CSMD1: variants seen among roughly 807,000 people sequenced by gnomAD.
The protein encoded by CSMD1 is CUB and Sushi multiple domains 1, also known as CUB and sushi domain-containing protein 1.
CSMD1 carries 213 observed loss-of-function variants against 417.5 expected under a neutral mutation model. The ratio of observed to expected loss-of-function variants is 0.51; its 90% CI spans 0.46 to 0.57. CSMD1 has a LOEUF of 0.57. Among genes scored for constraint, CSMD1 ranks in the 20% least tolerant of loss-of-function variants. The pLI, the probability that CSMD1 is intolerant of heterozygous loss-of-function variation, is 0.00. For synonymous variants in CSMD1, 2,862 were observed against 1,736.8 expected (o/e 1.65, Z -16.11); for missense variants, 6,923 against 4,529.7 (o/e 1.53, Z -15.17).
chr8:3,014,178 A>C (rs1808645546), intron 52 of CSMD1, among the ~76,000 whole-genome samples: 1 of 139,286 alleles, frequency 7.2e-6, no homozygotes, highest in African/African-American at 2.8e-5. Flanking sequence ...CCCTGATCGA[A>C]GATAGGAATA....
chr8:3,997,541 A>G (rs952699242), intron 5 of CSMD1, among the ~76,000 whole-genome samples: 5 of 152,232 alleles, frequency 3.3e-5, no homozygotes, highest in Non-Finnish European at 1.5e-5. Context: ...ATTCTCGCTA[A>G]CGTGAGATAA....
chr8:3,596,523 G>C (rs1801102466), intron 8 of CSMD1, among the ~76,000 whole-genome samples: 1 of 152,056 alleles, frequency 6.6e-6, no homozygotes, highest in South Asian at 2.1e-4. Flanking sequence ...TTTGTAACTT[G>C]GGAACTTATC....
intron 7 of CSMD1, among the ~76,000 whole-genome samples, chr8:3,624,328 A>G (rs1796392979): frequency 6.6e-6 from 1 of 152,228 alleles, no homozygotes. Context: ...ATCCACCTTT[A>G]GAGAACAAGA....
chr8:4,028,174 G>C (rs780576061), intron 4 of CSMD1, among the ~76,000 whole-genome samples: 1 of 152,176 alleles, frequency 6.6e-6, no homozygotes, highest in African/African-American at 2.4e-5. Flanking sequence ...TGGGCATCTA[G>C]AGTAGGAACT....
chr8:3,880,605 T>G (rs1376339849), intron 5 of CSMD1, among the ~76,000 whole-genome samples: 1 of 152,234 alleles, frequency 6.6e-6, no homozygotes, highest in Non-Finnish European at 1.5e-5. Flanking sequence ...ACTATATTTT[T>G]GGATTCTCCA....
chr8:4,023,047 C>T (rs978751765), intron 4 of CSMD1, among the ~76,000 whole-genome samples: 1 of 152,194 alleles, frequency 6.6e-6, no homozygotes, highest in East Asian at 1.9e-4. Flanking sequence ...CAGATGCTTC[C>T]ATTTCCTGGC....
intron 54 of CSMD1, among the ~76,000 whole-genome samples, chr8:2,992,768 G>C (rs576459034): frequency 4.7e-4 from 71 of 151,620 alleles, no homozygotes; most frequent in Non-Finnish European, 7.1e-4. Context: ...TTTGAGATGG[G>C]GTCTTGCTCT....
intron 2 of CSMD1, among the ~76,000 whole-genome samples, chr8:4,473,399 T>C (rs1800639193): frequency 6.6e-6 from 1 of 152,220 alleles, no homozygotes; most frequent in Non-Finnish European, 1.5e-5. Context: ...ATTCTCATTG[T>C]AGGTAGTCTT....
At chr8:3,709,786 G>C (rs2129040493) in intron 6 of CSMD1, among the ~76,000 whole-genome samples, 1 of 143,726 alleles carries the variant, frequency 7.0e-6, no homozygotes, top group South Asian at 2.2e-4. Context: ...CCCCTTTCAG[G>C]TCTTCGGTCT....
At chr8:4,787,200 G>T (rs188093918) in intron 1 of CSMD1, 4,870 of 450,250 alleles carry the variant, frequency 0.011, 31 homozygotes, top group East Asian at 0.025. Context: ...GCAGGGTCGC[G>T]GGGCCCCGCC....
intron 3 of CSMD1, among the ~76,000 whole-genome samples, chr8:4,333,803 C>T (rs946391062): frequency 3.9e-5 from 6 of 152,128 alleles, no homozygotes; most frequent in Admixed American, 1.3e-4. Flanking sequence ...AAACACATTG[C>T]TTGTGTGCAA....
At position 4,451,510 on chromosome 8, in the gene CSMD1, T is replaced by C. The variant is rs541824871; in HGVS notation, c.303-31445A>G. Reference sequence around the variant, plus strand: ...ATAGAGAAATATTAAACAAGTTTTCTTATCACAAAAATTCCAGAGACAGTG... The same window carrying C: ...ATAGAGAAATATTAAACAAGTTTTCCTATCACAAAAATTCCAGAGACAGTG... On this transcript the variant is annotated intron_variant, in intron 2 of 69. Coordinates refer to ENST00000635120, the MANE Select transcript of CSMD1 (RefSeq NM_033225.6). Among the ~76,000 whole-genome samples, 92 of 152,262 alleles carry C rather than the reference T, an allele frequency of 6.0e-4. 3 individuals carry two copies. The South Asian group carries it at 0.014, about 23-fold the overall frequency.
At chr8:3,770,419 C>T (rs1798505262) in intron 5 of CSMD1, among the ~76,000 whole-genome samples, 1 of 152,104 alleles carries the variant, frequency 6.6e-6, no homozygotes, top group African/African-American at 2.4e-5. Context: ...ATTCCAGCTA[C>T]TCGAGAGGCT....
intron 3 of CSMD1, among the ~76,000 whole-genome samples, chr8:4,033,765 G>T (rs193280397): frequency 6.6e-6 from 1 of 151,966 alleles, no homozygotes; most frequent in Non-Finnish European, 1.5e-5. Flanking sequence ...GTTCTTTTTG[G>T]TCCTCTCACT....
chr8:4,528,015 T>A (rs979965155), intron 2 of CSMD1, among the ~76,000 whole-genome samples: 7 of 152,128 alleles, frequency 4.6e-5, no homozygotes, highest in Non-Finnish European at 1.0e-4. Context: ...GGGTGTGGGA[T>A]CATGTCAGTG....
At chr8:3,819,846 G>A (rs886970905) in intron 5 of CSMD1, among the ~76,000 whole-genome samples, 3 of 152,118 alleles carry the variant, frequency 2.0e-5, no homozygotes, top group African/African-American at 7.2e-5. Context: ...CACCTGGCCT[G>A]AAAGTGATTT....
intron 2 of CSMD1, among the ~76,000 whole-genome samples, chr8:4,530,371 G>A (rs1796746744): frequency 8.6e-6 from 1 of 116,146 alleles, no homozygotes; most frequent in Non-Finnish European, 1.6e-5. Context: ...TACACTTGCT[G>A]AACGTGCAGG....
intron 12 of CSMD1, among the ~76,000 whole-genome samples, chr8:3,458,095 G>A (rs1340559008): frequency 6.6e-6 from 1 of 152,126 alleles, no homozygotes; most frequent in Non-Finnish European, 1.5e-5. Flanking sequence ...GCTCTAACGT[G>A]AGCCCCGCAG....
chr8:3,676,903 A>G (rs907868651), intron 7 of CSMD1, among the ~76,000 whole-genome samples: 1 of 152,088 alleles, frequency 6.6e-6, no homozygotes, highest in Non-Finnish European at 1.5e-5. Context: ...TAACACAAGA[A>G]CAGAAAACCA....
Sources: gnomAD v4.1 joint callset for allele counts (sites outside exome capture counted in the v4.1 genomes callset) on GRCh38, gnomAD v4.1.1 for gene constraint, MANE v1.5 for transcripts, NCBI Gene and HGNC (gene_info 2026-07-23, HGNC 2026-07-21) for gene names.